The following WWOX variants were observed in gnomAD, a reference collection of about 807,000 sequenced individuals.
The protein encoded by WWOX is WW domain containing oxidoreductase, also known as WW domain-containing oxidoreductase.
In WWOX, 69 loss-of-function variants were observed where a neutral mutation model predicts 46.2. That is an observed-to-expected ratio of 1.49 (90% CI 1.23 to 1.82). The LOEUF is 1.82. Among genes scored for constraint, WWOX ranks in the 40% most tolerant of loss-of-function variants. WWOX has a pLI of 0.00. For missense variants in WWOX, 919 were observed against 542.6 expected (o/e 1.69, Z -6.89); for synonymous variants, 359 against 202.6 (o/e 1.77, Z -6.56).
At chr16:79,195,361 A>T (rs139570589) in intron 8 of WWOX, among the ~76,000 whole-genome samples, 1 of 152,272 alleles carries the variant, frequency 6.6e-6, no homozygotes, top group Non-Finnish European at 1.5e-5. Context: ...CTGAAGCTGG[A>T]TTATTCTTCA....
intron 5 of WWOX, among the ~76,000 whole-genome samples, chr16:78,286,695 A>AAAAAT (rs1025976269): frequency 8.5e-5 from 13 of 152,122 alleles, no homozygotes; most frequent in East Asian, 1.9e-4. Flanking sequence ...CAAAGCAGTA[A>AAAAAT]AAAATAAAAT....
intron 8 of WWOX, among the ~76,000 whole-genome samples, chr16:79,062,629 A>T (rs566790469): frequency 2.9e-4 from 42 of 144,972 alleles, no homozygotes; most frequent in Admixed American, 4.1e-4. Flanking sequence ...GTTTACATTT[A>T]AAAAAAAAAG....
intron 8 of WWOX, among the ~76,000 whole-genome samples, chr16:78,601,842 C>G (rs915617637): frequency 7.0e-6 from 1 of 143,136 alleles, no homozygotes; most frequent in Non-Finnish European, 1.5e-5. Context: ...ATATTCGACT[C>G]TGCAGATCCC....
At chr16:78,663,170 C>A (rs182834258) in intron 8 of WWOX, among the ~76,000 whole-genome samples, 2 of 152,148 alleles carry the variant, frequency 1.3e-5, no homozygotes, top group African/African-American at 2.4e-5. Flanking sequence ...TTTATACCCC[C>A]GATCTCTTGA....
intron 6 of WWOX, among the ~76,000 whole-genome samples, chr16:78,401,403 C>A (rs916191621): frequency 6.6e-6 from 1 of 152,124 alleles, no homozygotes; most frequent in African/African-American, 2.4e-5. Context: ...TTCTAATAGG[C>A]TGAAATAATG....
At chr16:78,750,367 A>G (rs899729404) in intron 8 of WWOX, among the ~76,000 whole-genome samples, 2 of 152,226 alleles carry the variant, frequency 1.3e-5, no homozygotes, top group African/African-American at 4.8e-5. Context: ...CTAGTTGTGA[A>G]CCCGAAAGGA....
chr16:78,404,756 T>C (rs1047127735), intron 6 of WWOX, among the ~76,000 whole-genome samples: 1 of 152,186 alleles, frequency 6.6e-6, no homozygotes, highest in African/African-American at 2.4e-5. Flanking sequence ...TTTTCTTACT[T>C]TCCCGACCAG....
At chr16:78,219,149 GAGAT>G (rs2036812577) in intron 5 of WWOX, among the ~76,000 whole-genome samples, 1 of 152,018 alleles carries the variant, frequency 6.6e-6, no homozygotes. Context: ...TAGGTGAAGG[GAGAT>G]AGACCACAAA....
At chr16:79,129,050 C>G (rs1253880706) in intron 8 of WWOX, among the ~76,000 whole-genome samples, 1 of 152,138 alleles carries the variant, frequency 6.6e-6, no homozygotes, top group Non-Finnish European at 1.5e-5. Context: ...TGACACAGAA[C>G]TCTGTTTCTT....
At chr16:78,998,394 T>G (rs2047031142) in intron 8 of WWOX, among the ~76,000 whole-genome samples, 1 of 152,184 alleles carries the variant, frequency 6.6e-6, no homozygotes, top group South Asian at 2.1e-4. Flanking sequence ...CAGAGCCTAC[T>G]GCCTTCACAG....
intron 5 of WWOX, among the ~76,000 whole-genome samples, chr16:78,164,524 G>C (rs1486160578): frequency 2.6e-5 from 4 of 152,286 alleles, no homozygotes; most frequent in African/African-American, 9.6e-5. Flanking sequence ...TCAGGGGTTT[G>C]AGAATGTTTC....
At chr16:78,311,014 A>G (rs1050838681) in intron 5 of WWOX, among the ~76,000 whole-genome samples, 3 of 152,332 alleles carry the variant, frequency 2.0e-5, no homozygotes, top group Middle Eastern at 3.4e-3. Context: ...GAAGATTTCA[A>G]ACACCTAGTG....
chr16:79,112,026 C>G (rs1448460590), intron 8 of WWOX, among the ~76,000 whole-genome samples: 1 of 152,138 alleles, frequency 6.6e-6, no homozygotes, highest in Non-Finnish European at 1.5e-5. Flanking sequence ...TCCCAACAAA[C>G]TCCCCAGCCA....
chr16:78,249,835 GT>G (rs2037932111), intron 5 of WWOX, among the ~76,000 whole-genome samples: 1 of 151,898 alleles, frequency 6.6e-6, no homozygotes, highest in South Asian at 2.1e-4. Flanking sequence ...TGGCTGTGGG[GT>G]GGGGGCTGGG....
chr16:78,885,692 A>T (rs1380858972), intron 8 of WWOX, among the ~76,000 whole-genome samples: 2 of 152,150 alleles, frequency 1.3e-5, no homozygotes, highest in South Asian at 2.1e-4. Flanking sequence ...TTCCATAGGG[A>T]TAACTCAATA....
intron 5 of WWOX, among the ~76,000 whole-genome samples, chr16:78,172,314 T>C (rs139450567): frequency 6.6e-6 from 1 of 152,290 alleles, no homozygotes; most frequent in African/African-American, 2.4e-5. Flanking sequence ...TTTCGAGTAG[T>C]ATATCGTGTA....
chr16:78,359,075 C>G lies in WWOX; in HGVS notation c.517-27785C>G, dbSNP rs13338259. Among the ~76,000 whole-genome samples the G allele has an allele frequency of 2.6e-5, 4 of 152,046 alleles. No individual in the cohort carries two copies. In the South Asian group the frequency reaches 6.2e-4, roughly 24 times the overall value. On this transcript the variant is annotated intron_variant, in intron 5 of 8. Coordinates refer to ENST00000566780, the MANE Select transcript of WWOX (RefSeq NM_016373.4). The stretch of plus-strand genomic sequence containing the variant: ...CTGGGCTAAATAAGAAGTTTAAATG[C>G]AAATAGATAATGCTTGAGAAAGCTT...
At chr16:78,717,336 C>A (rs8059714) in intron 8 of WWOX, among the ~76,000 whole-genome samples, 100,605 of 152,090 alleles carry the variant, frequency 0.66, 34,479 homozygotes, top group African/African-American at 0.86. Context: ...GCAGAACTTG[C>A]AATAATGTAA....
intron 8 of WWOX, among the ~76,000 whole-genome samples, chr16:78,852,629 A>G (rs2052474169): frequency 1.3e-5 from 2 of 152,218 alleles, no homozygotes; most frequent in Non-Finnish European, 2.9e-5. Flanking sequence ...GACCCAGAAA[A>G]TCTATGTGAG....
Sources: gnomAD v4.1 joint callset for allele counts (sites outside exome capture counted in the v4.1 genomes callset) on GRCh38, gnomAD v4.1.1 for gene constraint, MANE v1.5 for transcripts, NCBI Gene and HGNC (gene_info 2026-07-23, HGNC 2026-07-21) for gene names.